Variants in SULT1E1 observed in about 807,000 individuals in gnomAD.
SULT1E1 encodes sulfotransferase family 1E member 1, also known as sulfotransferase 1E1.
A neutral mutation model predicts 33.6 loss-of-function variants in SULT1E1; 36 were observed. That is an observed-to-expected ratio of 1.07 (90% CI 0.82 to 1.41). The LOEUF is 1.41. Ranked by LOEUF, SULT1E1 falls within the 40% of genes most tolerant of loss-of-function variation. SULT1E1 has a pLI of 0.00. For synonymous variants in SULT1E1, 121 were observed against 111.7 expected (o/e 1.08, Z -0.53); for missense variants, 371 against 345.7 (o/e 1.07, Z -0.58).
chr4:69,843,203 C>T (rs1243699046), intron 7 of SULT1E1, among the ~76,000 whole-genome samples: 1 of 152,060 alleles, frequency 6.6e-6, no homozygotes, highest in East Asian at 1.9e-4. Flanking sequence ...AACTTTCCCA[C>T]TGAAATAACC....
At chr4:69,843,439 C>A (rs1429654890) in intron 7 of SULT1E1, among the ~76,000 whole-genome samples, 3 of 151,902 alleles carry the variant, frequency 2.0e-5, no homozygotes, top group Non-Finnish European at 4.4e-5. Context: ...TTGTTTTTTT[C>A]CCCAGTGGCA....
At chr4:69,825,255 A>G in the SULT1E1 span, among the ~76,000 whole-genome samples, 1 of 152,054 alleles carries the variant, frequency 6.6e-6, no homozygotes, top group Admixed American at 6.6e-5. Flanking sequence ...AACCCACCAA[A>G]AAAGAAATTC....
In SULT1E1 at chr4:69,842,095, C is replaced by T; in HGVS notation, c.784G>A (p.Asp262Asn). The T allele has an allele frequency of 6.3e-7, 1 of 1,589,758 alleles. No individual in the cohort carries two copies. Among genetic ancestry groups the T allele is most frequent in the African/African-American group, 1.3e-5 (1 of 74,270 alleles). The stretch of plus-strand genomic sequence containing the variant: ...GCTACTGTAAAGTGATTTTTCCAGT[C>T]TCCTGTAATTCCTGTAACAAAAAAG... ...SPFMRKGITG[D>N]WKNHFTVALN... Residue 262 changes from aspartate to asparagine, a missense_variant, in exon 8 of 8, where the codon GAC becomes AAC. By Grantham distance (23) the Asp-to-Asn change is conservative (BLOSUM62 1). Coordinates refer to ENST00000226444, the MANE Select transcript of SULT1E1 (RefSeq NM_005420.3).
At chr4:69,847,325 CCTAT>C (rs1720996734) in intron 6 of SULT1E1, among the ~76,000 whole-genome samples, 2 of 151,106 alleles carry the variant, frequency 1.3e-5, no homozygotes, top group Admixed American at 6.6e-5. Context: ...TTTTATAGGA[CCTAT>C]CTAACAATTG....
rs529303551 is a variant in SULT1E1 at position 69,845,551 on chromosome 4, T to G, written c.592-1210A>C. On this transcript the variant is annotated intron_variant, in intron 6 of 7. Transcript: ENST00000226444. ...TGTATGTGTATATATATATAATATATACACAAAATCTTATTTTATATATAC... is the reference window on the plus strand; with the variant it reads ...TGTATGTGTATATATATATAATATAGACACAAAATCTTATTTTATATATAC... 2.0e-5 allele frequency among the ~76,000 whole-genome samples: 3 copies of G among 151,488 alleles called. No homozygotes were observed. The South Asian group carries it at 6.2e-4, about 31-fold the overall frequency.
At chr4:69,854,486 G>A (rs1721197135) in intron 3 of SULT1E1, among the ~76,000 whole-genome samples, 172 bp from the exon 4 acceptor site, 1 of 151,934 alleles carries the variant, frequency 6.6e-6, no homozygotes, top group Non-Finnish European at 1.5e-5. Context: ...TTTCCATGGT[G>A]TAATTATTAT....
the SULT1E1 span, among the ~76,000 whole-genome samples, chr4:69,828,112 AT>A: frequency 6.6e-6 from 1 of 152,170 alleles, no homozygotes; most frequent in African/African-American, 2.4e-5. Context: ...ACATTTAACC[AT>A]TGATGGTCAG....
chr4:69,843,518 TTC>T (rs1223670292), intron 7 of SULT1E1, among the ~76,000 whole-genome samples: 1 of 152,174 alleles, frequency 6.6e-6, no homozygotes, highest in African/African-American at 2.4e-5. Flanking sequence ...TTTGATTCTA[TTC>T]TGTTTGTTTC....
At chr4:69,822,876 AG>A in the SULT1E1 span, among the ~76,000 whole-genome samples, 2,182 of 152,314 alleles carry the variant, frequency 0.014, 52 homozygotes, top group African/African-American at 0.05. Flanking sequence ...TAAAGAAAAA[AG>A]TGAAAAAAAA....
the SULT1E1 span, among the ~76,000 whole-genome samples, chr4:69,828,529 C>A: frequency 6.6e-6 from 1 of 152,160 alleles, no homozygotes; most frequent in Non-Finnish European, 1.5e-5. Context: ...CTGGACACAT[C>A]TGAACATCTG....
chr4:69,831,897 G>T, the SULT1E1 span, among the ~76,000 whole-genome samples: 1 of 152,122 alleles, frequency 6.6e-6, no homozygotes, highest in African/African-American at 2.4e-5. Context: ...TACTTCCTGC[G>T]TTAGTCCCTC....
At position 69,847,783 on chromosome 4, in the gene SULT1E1, C is replaced by A; in HGVS notation, c.506G>T (p.Gly169Val). ...AGATTTTACATGTTTATACCAGGAA[C>A]CATAAGGAACTAAAATTAGAGAGAA... ...EKFMQGQVPY[G>V]SWYKHVKSWW... Residue 169 changes from glycine to valine, a missense_variant, in exon 6 of 8, where the codon GGT becomes GTT. Transcript: ENST00000226444. The A allele has an allele frequency of 6.2e-7, 1 of 1,604,670 alleles. No individual in the cohort carries two copies. The highest frequency in any genetic ancestry group is 8.5e-7 in the Non-Finnish European group (1 of 1,173,584).
intron 4 of SULT1E1, among the ~76,000 whole-genome samples, chr4:69,850,971 C>A (rs1035212833): frequency 1.3e-5 from 2 of 152,100 alleles, no homozygotes; most frequent in African/African-American, 4.8e-5. Context: ...TGCACTGCAT[C>A]TCTCTTGAGT....
intron 4 of SULT1E1, among the ~76,000 whole-genome samples, chr4:69,853,455 A>G (rs544763266): frequency 9.1e-4 from 138 of 152,218 alleles, no homozygotes; most frequent in Non-Finnish European, 1.7e-3. Flanking sequence ...TGTACACTTA[A>G]TCTTCCAGCC....
At chr4:69,846,795 A>T (rs940227568) in intron 6 of SULT1E1, among the ~76,000 whole-genome samples, 1 of 151,714 alleles carries the variant, frequency 6.6e-6, no homozygotes, top group Non-Finnish European at 1.5e-5. Flanking sequence ...TTAAATTGTT[A>T]TCAGTGTAGT....
chr4:69,848,530 G>C (rs1212861604), intron 5 of SULT1E1, among the ~76,000 whole-genome samples: 2 of 151,860 alleles, frequency 1.3e-5, no homozygotes, highest in East Asian at 3.9e-4. Flanking sequence ...TTTCCTTACA[G>C]AAAATGTTCT....
At chr4:69,852,535 G>T (rs1721147155) in intron 4 of SULT1E1, among the ~76,000 whole-genome samples, 1 of 152,002 alleles carries the variant, frequency 6.6e-6, no homozygotes. Flanking sequence ...CAAACCAATG[G>T]CTCAAATCCG....
chr4:69,846,130 T>C (rs1430751580), intron 6 of SULT1E1, among the ~76,000 whole-genome samples: 1 of 150,112 alleles, frequency 6.7e-6, no homozygotes, highest in Admixed American at 6.6e-5. Context: ...CATTATGTTT[T>C]CTATGTTTTA....
intron 4 of SULT1E1, among the ~76,000 whole-genome samples, chr4:69,850,857 A>G (rs1485973914): frequency 1.3e-5 from 2 of 152,068 alleles, no homozygotes; most frequent in East Asian, 3.9e-4. Context: ...ATTAGTTTAT[A>G]TTCTTTATTT....
Sources: allele counts gnomAD v4.1 joint callset (sites outside exome capture counted in the v4.1 genomes callset), GRCh38; gene constraint gnomAD v4.1.1; transcripts MANE v1.5; gene names NCBI Gene and HGNC (gene_info 2026-07-23, HGNC 2026-07-21).